The following HHLA1 variants were observed in gnomAD, a reference collection of about 807,000 sequenced individuals.
The protein encoded by HHLA1 is HERV-H LTR-associating protein 1.
In HHLA1, 72 loss-of-function variants were observed where a neutral mutation model predicts 69.9. The observed-to-expected ratio is 1.03, with a 90% CI of 0.85 to 1.25. The LOEUF (loss-of-function observed/expected upper bound fraction) is 1.25. Among genes scored for constraint, HHLA1 ranks in the 50% most tolerant of loss-of-function variants. HHLA1 has a pLI of 0.00. For missense variants in HHLA1, 685 were observed against 642.2 expected (o/e 1.07, Z -0.72); for synonymous variants, 252 against 233.2 (o/e 1.08, Z -0.73).
intron 7 of HHLA1, among the ~76,000 whole-genome samples, chr8:132,093,803 G>C (rs1200416554): frequency 2.1e-4 from 32 of 152,132 alleles, no homozygotes; most frequent in Admixed American, 2.0e-3. Flanking sequence ...CTCAGCAGGG[G>C]TTAATGAAAT....
At chr8:132,109,846 T>A (rs2130904245) in intron 1 of HHLA1, among the ~76,000 whole-genome samples, 1 of 152,266 alleles carries the variant, frequency 6.6e-6, no homozygotes, top group East Asian at 1.9e-4. Flanking sequence ...CAAAGCATTT[T>A]GGGAGGTGGA....
intron 14 of HHLA1, among the ~76,000 whole-genome samples, chr8:132,071,749 G>A (rs1043396023): frequency 6.6e-6 from 1 of 152,156 alleles, no homozygotes; most frequent in South Asian, 2.1e-4. Flanking sequence ...ATATTAAACA[G>A]AGATCTAAGA....
chr8:132,101,874 A>G (rs62521345), intron 3 of HHLA1, among the ~76,000 whole-genome samples: 8 of 152,158 alleles, frequency 5.3e-5, no homozygotes, highest in Admixed American at 1.3e-4. Flanking sequence ...ACTCATCCCA[A>G]TTAACAGATT....
chr8:132,108,412 A>C (rs1824241001), intron 1 of HHLA1, among the ~76,000 whole-genome samples: 1 of 152,230 alleles, frequency 6.6e-6, no homozygotes. Context: ...GTGAGTCCTC[A>C]AAGTTATATC....
At chr8:132,078,260 A>G (rs962566055) in intron 11 of HHLA1, among the ~76,000 whole-genome samples, 3 of 151,784 alleles carry the variant, frequency 2.0e-5, no homozygotes, top group Non-Finnish European at 1.5e-5. Flanking sequence ...GGGGTCAGTT[A>G]GCTGTCTCTC....
chr8:132,104,276 G>T (rs1824167228), intron 2 of HHLA1, 109 bp from the exon 3 acceptor site: 4 of 743,226 alleles, frequency 5.4e-6, no homozygotes, highest in Admixed American at 2.5e-5. Flanking sequence ...ATCTGGGGTT[G>T]TGAAGTGACA....
At position 132,087,675 on chromosome 8, in the gene HHLA1, G is replaced by A. The variant is rs904784192; in HGVS notation, c.654C>T (p.Thr218=). ...CACCCAGAACACCAGACAAGCCGCT[G>A]GTAAATGTGTAATTGATAATGGGAT... The part of the protein sequence containing the change: ...EKYPIINYTF[T]SGLSGVLGAA... The change falls in exon 10 of 17, where the codon ACC becomes ACT. Residue 218 remains threonine, a synonymous_variant. Coordinates refer to ENST00000414222, the MANE Select transcript of HHLA1 (RefSeq NM_001145095.3). 14 of 1,551,126 alleles carry A rather than the reference G, an allele frequency of 9.0e-6. No homozygotes were observed. The African/African-American group carries it at 1.9e-4, about 21-fold the overall frequency.
chr8:132,072,739 C>T (rs1212921407), intron 14 of HHLA1, among the ~76,000 whole-genome samples: 3 of 152,078 alleles, frequency 2.0e-5, no homozygotes, highest in African/African-American at 7.2e-5. Context: ...TAATTGTGCA[C>T]CATTAATTGA....
chr8:132,101,554 A>C (rs1824111210), intron 3 of HHLA1, among the ~76,000 whole-genome samples: 1 of 151,314 alleles, frequency 6.6e-6, no homozygotes, highest in Non-Finnish European at 1.5e-5. Flanking sequence ...TTTATTGAAA[A>C]ACACTTAACA....
chr8:132,104,249 C>T, intron 2 of HHLA1, 82 bp from the exon 3 acceptor site: 1 of 935,772 alleles, frequency 1.1e-6, no homozygotes, highest in East Asian at 2.6e-5. Flanking sequence ...ACCCATTTTA[C>T]AGATGAGAGA....
chr8:132,099,565 G>C (rs1824081426), intron 4 of HHLA1, among the ~76,000 whole-genome samples: 1 of 152,150 alleles, frequency 6.6e-6, no homozygotes, highest in East Asian at 1.9e-4. Context: ...TTAATGATTT[G>C]GAAACTGGCC....
Position 132,079,703 on chromosome 8 carries a change from G to A in HHLA1, c.925+15C>T, listed in dbSNP as rs1054538025. Reference sequence around the variant, plus strand: ...GACATAGCAAAGGGGAGGAAAGGGTGAGAATGCATCTTACCCAAGGCTGGG... The same window carrying A: ...GACATAGCAAAGGGGAGGAAAGGGTAAGAATGCATCTTACCCAAGGCTGGG... On this transcript the variant is annotated intron_variant, in intron 11 of 16. Transcript: ENST00000414222. 6.5e-7 allele frequency: 1 copy of A among 1,534,252 alleles called. No homozygotes were observed. The highest frequency in any genetic ancestry group is 8.8e-7 in the Non-Finnish European group (1 of 1,139,206).
chr8:132,092,493 T>A (rs1258532139), intron 7 of HHLA1, among the ~76,000 whole-genome samples: 4 of 152,148 alleles, frequency 2.6e-5, no homozygotes. Flanking sequence ...AGACTTCTCA[T>A]GAATGGGTTA....
At chr8:132,102,024 G>A (rs1029043958) in intron 3 of HHLA1, among the ~76,000 whole-genome samples, 3 of 152,172 alleles carry the variant, frequency 2.0e-5, no homozygotes, top group African/African-American at 7.2e-5. Flanking sequence ...AGCCCCTGGT[G>A]AGCACCTTTC....
At position 132,076,757 on chromosome 8, in the gene HHLA1, G is replaced by A. The variant is rs191706928; in HGVS notation, c.1172-214C>T. On this transcript the variant is annotated intron_variant, in intron 12 of 16. Coordinates refer to ENST00000414222, the MANE Select transcript of HHLA1 (RefSeq NM_001145095.3). ...AATCCCATCATTACTGTGATACAGC[G>A]TGATGGTTGCCATTGGAAACCAGCT... Among the ~76,000 whole-genome samples, 494 of 152,270 alleles carry A rather than the reference G, an allele frequency of 3.2e-3. 1 individual carries two copies. The highest frequency in any genetic ancestry group is 0.011 in the African/African-American group (443 of 41,562).
intron 10 of HHLA1, among the ~76,000 whole-genome samples, chr8:132,085,223 G>A (rs1017589027): frequency 1.3e-5 from 2 of 152,196 alleles, no homozygotes; most frequent in African/African-American, 4.8e-5. Context: ...TTCCCAGTCC[G>A]TGACCGGCGC....
intron 10 of HHLA1, among the ~76,000 whole-genome samples, chr8:132,085,127 T>G (rs1397658979): frequency 6.6e-6 from 1 of 152,166 alleles, no homozygotes; most frequent in African/African-American, 2.4e-5. Context: ...AAGGCAGGCA[T>G]CCCTGCGTGG....
At position 132,063,616 on chromosome 8, in the gene HHLA1, C is replaced by T. The variant is rs965009004; in HGVS notation, c.*379G>A. The stretch of plus-strand genomic sequence containing the variant: ...GTCACCTCAGGTATTGTGTCAGAGT[C>T]TCCATGGCTGAACTGGTTTGTGCAG... On this transcript the variant is annotated 3_prime_UTR_variant, in exon 17 of 17. Coordinates refer to ENST00000414222, the MANE Select transcript of HHLA1 (RefSeq NM_001145095.3). 6.4e-6 allele frequency: 1 copy of T among 155,336 alleles called. No homozygotes were observed. The highest frequency in any genetic ancestry group is 2.4e-5 in the African/African-American group (1 of 41,582). The allele number at this position is 155,336 out of a possible 1,614,324, so 9.6% of individuals were successfully genotyped here. A position where few individuals can be genotyped will look rare whatever the true frequency, so the allele number is the denominator to read the frequency against.
At position 132,062,205 on chromosome 8, in the gene HHLA1, C is replaced by T. The variant is rs1823364862; in HGVS notation, c.*1790G>A. Reference sequence around the variant, plus strand: ...TGCCTCCCAGAAAATTTGCTGTATCCTCTTCATCTTTGCAAAAGTCATGAT... The same window carrying T: ...TGCCTCCCAGAAAATTTGCTGTATCTTCTTCATCTTTGCAAAAGTCATGAT... On this transcript the variant is annotated 3_prime_UTR_variant, in exon 17 of 17. Transcript: ENST00000414222. 6.6e-6 allele frequency: 1 copy of T among 152,230 alleles called. No individual in the cohort carries two copies. Among genetic ancestry groups the T allele is most frequent in the Non-Finnish European group, 1.5e-5 (1 of 68,044 alleles). The allele number at this position is 152,230 out of a possible 1,614,324, so 9.4% of individuals were successfully genotyped here.
Sources: allele counts gnomAD v4.1 joint callset (sites outside exome capture counted in the v4.1 genomes callset), GRCh38; gene constraint gnomAD v4.1.1; transcripts MANE v1.5; gene names NCBI Gene and HGNC (gene_info 2026-07-23, HGNC 2026-07-21).